Variants in GP6 observed in about 807,000 individuals in gnomAD.
GP6 encodes platelet glycoprotein VI.
In GP6, 45 loss-of-function variants were observed where a neutral mutation model predicts 37.3. The ratio of observed to expected loss-of-function variants is 1.21; its 90% CI spans 0.95 to 1.55. GP6 has a LOEUF of 1.55. Among genes scored for constraint, GP6 ranks in the 40% most tolerant of loss-of-function variants. The probability of loss-of-function intolerance (pLI) is 0.00; values close to 1 mark genes in which losing one functional copy is unlikely to be tolerated. For missense variants in GP6, 813 were observed against 760.2 expected, an observed-to-expected ratio of 1.07 and a Z score of -0.82; for synonymous variants, 340 against 316.4, an observed-to-expected ratio of 1.07 and a Z score of -0.79.
chr19:55,026,883 CAAA>C (rs767194721), intron 4 of GP6, among the ~76,000 whole-genome samples: 2 of 131,086 alleles, frequency 1.5e-5, no homozygotes, highest in African/African-American at 2.8e-5. Flanking sequence ...GAGACTTCGT[CAAA>C]AAAAAAAAAA....
chr19:55,015,129 A>G lies in GP6; in HGVS notation c.816T>C (p.Gly272=). 6.3e-7 allele frequency: 1 copy of G among 1,577,336 alleles called. No individual in the cohort carries two copies. Among genetic ancestry groups the G allele is most frequent in the East Asian group, 2.3e-5 (1 of 43,208 alleles). ...GATCACAGCCCCGAGGCATATCCGG[A>G]CCAGGTTGCCCTTGGTGTAGTACTG... Residue 272 remains glycine, a synonymous_variant, in exon 8 of 8, where the codon GGT becomes GGC. Coordinates refer to ENST00000310373, the MANE Select transcript of GP6 (RefSeq NM_001083899.2).
chr19:55,037,743 C>T lies in GP6; in HGVS notation c.34+460G>A, dbSNP rs959453690. Among the ~76,000 whole-genome samples the T allele has an allele frequency of 2.0e-5, 3 of 149,468 alleles. No individual in the cohort carries two copies. The East Asian group carries it at 5.9e-4, about 29-fold the overall frequency. ...GCCTCCCAGTTTCAAGCAATTCTCC[C>T]ACCTCAGCCTCCCACGTAGCTGGGA... On this transcript the variant is annotated intron_variant, in intron 1 of 7. Transcript: ENST00000310373.
chr19:55,018,603 T>G, intron 6 of GP6, 49 bp downstream of exon 6: 1 of 1,024,572 alleles, frequency 9.8e-7, no homozygotes, highest in Admixed American at 1.7e-5. Context: ...AAGAGAGAGC[T>G]CCGTCCTCAC....
chr19:55,029,720 AT>A (rs2074489999), intron 3 of GP6, among the ~76,000 whole-genome samples: 1 of 96,002 alleles, frequency 1.0e-5, no homozygotes, highest in Non-Finnish European at 2.3e-5. Flanking sequence ...CACCACCAAG[AT>A]AAAAAAAGGT....
chr19:55,035,504 G>A (rs1454184739), intron 1 of GP6, among the ~76,000 whole-genome samples: 1 of 152,170 alleles, frequency 6.6e-6, no homozygotes, highest in African/African-American at 2.4e-5. Context: ...ATCACCTGAA[G>A]TCAGGAGTTC....
At chr19:55,020,672 A>G (rs1285393017) in intron 5 of GP6, among the ~76,000 whole-genome samples, 2 of 152,164 alleles carry the variant, frequency 1.3e-5, no homozygotes, top group East Asian at 3.8e-4. Context: ...ATAGTGCTGC[A>G]ATGAACATAT....
chr19:55,032,363 G>C lies in GP6; in HGVS notation c.101C>G (p.Pro34Arg). 2 of 1,613,786 alleles carry C rather than the reference G, an allele frequency of 1.2e-6. No individual in the cohort carries two copies. The highest frequency in any genetic ancestry group is 1.7e-6 in the Non-Finnish European group (2 of 1,179,852). The stretch of plus-strand genomic sequence containing the variant: ...CTTCTCCAGGGGCACCAGGGAGCTG[G>C]GCAGAGCCTGGAGGGAGGGCTTGGG... The change falls in exon 3 of 8, where the codon CCC becomes CGC. Residue 34 changes from proline (P) to arginine (R), a missense_variant. By Grantham distance (103) the Pro-to-Arg change is moderately radical. Transcript: ENST00000310373.
chr19:55,029,595 A>T (rs1270732383), intron 3 of GP6, among the ~76,000 whole-genome samples: 1 of 150,808 alleles, frequency 6.6e-6, no homozygotes, highest in Non-Finnish European at 1.5e-5. Context: ...TCACCATGTT[A>T]GCCAGGCTGA....
intron 5 of GP6, 141 bp from the exon 6 acceptor site, chr19:55,018,852 G>T: frequency 1.4e-6 from 1 of 726,406 alleles, no homozygotes; most frequent in Non-Finnish European, 2.6e-6. Context: ...AGACAAATTC[G>T]AAAGGTGTAA....
chr19:55,031,415 C>T (rs1251366115), intron 3 of GP6, among the ~76,000 whole-genome samples: 1 of 152,098 alleles, frequency 6.6e-6, no homozygotes, highest in African/African-American at 2.4e-5. Flanking sequence ...CCACTGCACT[C>T]CGGCCTGGGC....
chr19:55,018,839 G>A, intron 5 of GP6, 128 bp from the exon 6 acceptor site: 1 of 749,716 alleles, frequency 1.3e-6, no homozygotes, highest in African/African-American at 1.7e-5. Flanking sequence ...AGACACTGAA[G>A]ACAGACAAAT....
At chr19:55,030,157 G>C (rs1456274986) in intron 3 of GP6, among the ~76,000 whole-genome samples, 1 of 151,222 alleles carries the variant, frequency 6.6e-6, no homozygotes, top group Non-Finnish European at 1.5e-5. Flanking sequence ...GGATGCAAGC[G>C]CATCAGTGCT....
chr19:55,033,806 G>T (rs2074705563), intron 1 of GP6, among the ~76,000 whole-genome samples: 1 of 152,178 alleles, frequency 6.6e-6, no homozygotes, highest in Non-Finnish European at 1.5e-5. Flanking sequence ...GGATGGAGCA[G>T]GATGGAGCCT....
At chr19:55,023,421 AGGG>A (rs1366579344) in intron 5 of GP6, among the ~76,000 whole-genome samples, 2 of 152,138 alleles carry the variant, frequency 1.3e-5, no homozygotes, top group Non-Finnish European at 2.9e-5. Flanking sequence ...TTTGGATCAT[AGGG>A]GTGGATCCCT....
In GP6 at chr19:55,015,018, G is replaced by T. The variant is rs752332158; in HGVS notation, c.927C>A (p.Ala309=). 6.2e-7 allele frequency: 1 copy of T among 1,611,974 alleles called. No homozygotes were observed. The highest frequency in any genetic ancestry group is 1.3e-5 in the African/African-American group (1 of 75,000). ...CGGGAGGGGCGGGAGGGGCGGAAGCGGCCTCTGCACAGCCCTGCCCCTGTG... is the reference window on the plus strand; with the variant it reads ...CGGGAGGGGCGGGAGGGGCGGAAGCTGCCTCTGCACAGCCCTGCCCCTGTG... Residue 309 remains alanine (A), a synonymous_variant, in exon 8 of 8, where the codon GCC becomes GCA. Coordinates refer to ENST00000310373, the MANE Select transcript of GP6 (RefSeq NM_001083899.2).
intron 3 of GP6, among the ~76,000 whole-genome samples, chr19:55,028,804 G>A (rs374277902): frequency 3.9e-5 from 6 of 152,144 alleles, no homozygotes; most frequent in Admixed American, 6.6e-5. Flanking sequence ...GTCATAGACC[G>A]GTGTGGTGAT....
Position 55,014,870 on chromosome 19 carries a change from T to C in GP6, c.1075A>G (p.Arg359Gly). 2 of 1,613,952 alleles carry C rather than the reference T, an allele frequency of 1.2e-6. No homozygotes were observed. Among genetic ancestry groups the C allele is most frequent in the South Asian group, 1.1e-5 (1 of 91,072 alleles). The stretch of plus-strand genomic sequence containing the variant: ...CACACACGCCAGTCTTTGAGTCGCC[T>C]CCCATGCCATGATCCCTCCCTTGGA... The change falls in exon 8 of 8, where the codon AGG becomes GGG. Residue 359 changes from arginine (R) to glycine (G), a missense_variant. Transcript: ENST00000310373.
chr19:55,027,524 C>T lies in GP6; in HGVS notation c.610+54G>A, dbSNP rs2074349780. The T allele has an allele frequency of 2.1e-6, 3 of 1,438,798 alleles. No homozygotes were observed. In the East Asian group the frequency reaches 6.8e-5, roughly 33 times the overall value. 89.1% of individuals were successfully genotyped at this position (1,438,798 alleles called of 1,614,324 possible). ...ACTTATGGCCCCTCCCTTGGAATGGCCATCAGGACCTATAAAGGCTGAGGA... is the reference window on the plus strand; with the variant it reads ...ACTTATGGCCCCTCCCTTGGAATGGTCATCAGGACCTATAAAGGCTGAGGA... On this transcript the variant is annotated intron_variant, in intron 4 of 7. Coordinates refer to ENST00000310373, the MANE Select transcript of GP6 (RefSeq NM_001083899.2).
rs2146937663 is a variant in GP6 at position 55,038,214 on chromosome 19, AG to A, written c.22del (p.Leu8SerfsTer37). On this transcript the variant is annotated frameshift_variant, in exon 1 of 8. Coordinates refer to ENST00000310373, the MANE Select transcript of GP6 (RefSeq NM_001083899.2). LOFTEE classifies it high-confidence loss of function. ...CCCTCAGGACTCACCAAGACAGAAGAGGGCGGTCGGGGATGGAGACATGGTT... is the reference window on the plus strand; with the variant it reads ...CCCTCAGGACTCACCAAGACAGAAGAGGCGGTCGGGGATGGAGACATGGTT... 1.3e-6 allele frequency: 2 copies of A among 1,592,838 alleles called. No homozygotes were observed. Among genetic ancestry groups the A allele is most frequent in the Non-Finnish European group, 1.7e-6 (2 of 1,168,644 alleles).
Sources: allele counts gnomAD v4.1 joint callset (sites outside exome capture counted in the v4.1 genomes callset), GRCh38; gene constraint gnomAD v4.1.1; transcripts MANE v1.5; gene names NCBI Gene and HGNC (gene_info 2026-07-23, HGNC 2026-07-21).